Variants in CCDC150 observed in about 807,000 individuals in gnomAD.
CCDC150 encodes the protein coiled-coil domain containing 150.
Under a neutral mutation model 156.5 loss-of-function variants are expected in CCDC150, and 151 were observed. That is an observed-to-expected ratio of 0.97 (90% CI 0.85 to 1.10). The LOEUF is 1.10. Ranked by LOEUF, CCDC150 falls within the 50% of genes least tolerant of loss-of-function variation. The pLI is 0.00. For missense variants in CCDC150, 1,312 were observed against 1,268.1 expected (o/e 1.03, Z -0.53); for synonymous variants, 452 against 429.4 (o/e 1.05, Z -0.65).
rs367774318 is a variant in CCDC150 at position 196,639,796 on chromosome 2, C to T, written c.12+18C>T. The stretch of plus-strand genomic sequence containing the variant: ...ACTGTAAGGTGAGGCTGCCGGGCCC[C>T]GGGCTGGTGAGGGGTGGTCGGAGGC... On this transcript the variant is annotated intron_variant, in intron 1 of 27. Coordinates refer to ENST00000389175, the MANE Select transcript of CCDC150 (RefSeq NM_001080539.2). 4.1e-5 allele frequency: 64 copies of T among 1,574,108 alleles called. No homozygotes were observed. The South Asian group carries it at 6.6e-4, about 16-fold the overall frequency.
rs1233659567 is a variant in CCDC150, at chr2:196,665,605, AT to A, written c.685del (p.Ser229LeufsTer2). On this transcript the variant is annotated frameshift_variant, in exon 6 of 28. Coordinates refer to ENST00000389175, the MANE Select transcript of CCDC150 (RefSeq NM_001080539.2). LOFTEE classifies it high-confidence loss of function. Reference protein sequence around the residue: ...QLAQEKYLRESLEKSASAMLL... With the variant: ...QLAQEKYLREXLEKSASAMLL... ...TGGCTCAGGAGAAGTACCTTAGGGA[AT>A]CTTTAGAGAAATCAGCATCAGCCAT... is the stretch of plus-strand genomic sequence containing the variant. 6.2e-7 allele frequency: 1 copy of A among 1,605,956 alleles called. No homozygotes were observed. The highest frequency in any genetic ancestry group is 1.1e-5 in the South Asian group (1 of 88,618).
intron 1 of CCDC150, among the ~76,000 whole-genome samples, chr2:196,642,373 TA>T (rs796936607): frequency 6.6e-6 from 1 of 152,282 alleles, no homozygotes; most frequent in African/African-American, 2.4e-5. Context: ...TTTATGTATG[TA>T]GGGGTGTGGG....
intron 14 of CCDC150, among the ~76,000 whole-genome samples, chr2:196,697,020 T>C (rs181991908): frequency 3.0e-4 from 46 of 152,350 alleles, no homozygotes; most frequent in African/African-American, 1.0e-3. Context: ...TCCCACAGTA[T>C]ACTCTGCACA....
chr2:196,690,469 T>C lies in CCDC150; in HGVS notation c.1510-4577T>C, dbSNP rs530109058. On this transcript the variant is annotated intron_variant, in intron 13 of 27. Transcript: ENST00000389175. ...GTAAATTCATATATGTAATTTAAAATAGGTAAATTCATATAAATACATATA... is the reference window on the plus strand; with the variant it reads ...GTAAATTCATATATGTAATTTAAAACAGGTAAATTCATATAAATACATATA... 1.1e-3 allele frequency among the ~76,000 whole-genome samples: 175 copies of C among 152,320 alleles called. 1 individual carries two copies. Among genetic ancestry groups the C allele is most frequent in the Non-Finnish European group, 2.0e-3 (137 of 68,014 alleles).
rs1347985102 is a variant in CCDC150, at chr2:196,645,088, C to T, written c.13-1253C>T. Among the ~76,000 whole-genome samples, 4 of 152,136 alleles carry T rather than the reference C, an allele frequency of 2.6e-5. No individual in the cohort carries two copies. The East Asian group carries it at 7.7e-4, about 29-fold the overall frequency. ...GCAGTGAGCCAAGATCGCTCCATTTCAGTCCAGCTTAGGTGACAGAGCAAG... is the reference window on the plus strand; with the variant it reads ...GCAGTGAGCCAAGATCGCTCCATTTTAGTCCAGCTTAGGTGACAGAGCAAG... On this transcript the variant is annotated intron_variant, in intron 1 of 27. Coordinates refer to ENST00000389175, the MANE Select transcript of CCDC150 (RefSeq NM_001080539.2).
intron 1 of CCDC150, among the ~76,000 whole-genome samples, chr2:196,642,096 G>T (rs565730732): frequency 6.6e-6 from 1 of 152,300 alleles, no homozygotes; most frequent in Non-Finnish European, 1.5e-5. Flanking sequence ...AGTTATGAAT[G>T]AACTTTTTTA....
At chr2:196,709,465 G>A (rs965016337) in intron 15 of CCDC150, among the ~76,000 whole-genome samples, 2 of 152,004 alleles carry the variant, frequency 1.3e-5, no homozygotes, top group South Asian at 2.1e-4. Context: ...CCTTTGGCTC[G>A]GAGAAATTTG....
chr2:196,730,081 A>G lies in CCDC150; in HGVS notation c.2945A>G (p.Glu982Gly). 1 of 1,611,800 alleles carries G rather than the reference A, an allele frequency of 6.2e-7. No individual in the cohort carries two copies. The highest frequency in any genetic ancestry group is 8.5e-7 in the Non-Finnish European group (1 of 1,179,142). The change falls in exon 25 of 28, where the codon GAG becomes GGG. Residue 982 changes from glutamate (E) to glycine (G), a missense_variant. Physicochemically the swap from Glu to Gly is moderately conservative, Grantham distance 98 (BLOSUM62 -2). Transcript: ENST00000389175. Reference protein sequence around the residue: ...NKQQELHLEAERKIRQELENR... With the variant: ...NKQQELHLEAGRKIRQELENR... ...CAGCAAGAGCTGCACCTAGAAGCAG[A>G]GCGGAAAATAAGGCAGGAGCTAGAG...
chr2:196,708,213 A>C (rs1696821941), intron 15 of CCDC150, among the ~76,000 whole-genome samples: 1 of 152,174 alleles, frequency 6.6e-6, no homozygotes, highest in East Asian at 1.9e-4. Flanking sequence ...ATATATATTT[A>C]GGATAGTTAC....
intron 13 of CCDC150, among the ~76,000 whole-genome samples, chr2:196,691,281 G>A (rs1008762008): frequency 2.0e-5 from 3 of 152,192 alleles, no homozygotes; most frequent in Non-Finnish European, 2.9e-5. Flanking sequence ...CAGTAGAAAT[G>A]GTACCAGCTC....
rs151326147 is a variant in CCDC150, at chr2:196,669,634, T to G, written c.893-199T>G. Among the ~76,000 whole-genome samples the G allele has an allele frequency of 5.0e-3, 766 of 152,280 alleles. 4 individuals carry two copies. The highest frequency in any genetic ancestry group is 0.024 in the Middle Eastern group (7 of 294). ...CTCAGCTTAAAATCCTTCAGAGACC[T>G]CATTTACCATTGCAAATGACTGTGG... On this transcript the variant is annotated intron_variant, in intron 7 of 27. Coordinates refer to ENST00000389175, the MANE Select transcript of CCDC150 (RefSeq NM_001080539.2).
intron 26 of CCDC150, 58 bp from the exon 27 acceptor site, chr2:196,731,975 A>C (rs1698543006): frequency 6.4e-7 from 1 of 1,556,134 alleles, no homozygotes; most frequent in Non-Finnish European, 8.7e-7. Flanking sequence ...CAACTAATAC[A>C]CAAAAAAACT....
At chr2:196,676,372 G>A in intron 11 of CCDC150, 105 bp downstream of exon 11, 1 of 1,451,842 alleles carries the variant, frequency 6.9e-7, no homozygotes. Flanking sequence ...ATTTGATTCT[G>A]CATTTTTTGG....
chr2:196,688,746 T>A (rs1230030755), intron 13 of CCDC150, among the ~76,000 whole-genome samples: 1 of 152,014 alleles, frequency 6.6e-6, no homozygotes, highest in East Asian at 1.9e-4. Flanking sequence ...CTCTTTAGTT[T>A]AATTAGATCC....
At chr2:196,678,739 C>T (rs1694649922) in intron 13 of CCDC150, among the ~76,000 whole-genome samples, 1 of 152,008 alleles carries the variant, frequency 6.6e-6, no homozygotes, top group Non-Finnish European at 1.5e-5. Context: ...CCTGTCTCTA[C>T]TAAAAATACA....
At position 196,732,061 on chromosome 2, in the gene CCDC150, G is replaced by T; in HGVS notation, c.3098G>T (p.Arg1033Leu). ...QITANLEEAHRWFKHRFDGLQ... is the reference protein window; with the variant it reads ...QITANLEEAHLWFKHRFDGLQ... ...ACAGCTAATCTGGAAGAAGCTCATCGCTGGTTTAAGCACAGGTTTGATGGT... is the reference window on the plus strand; with the variant it reads ...ACAGCTAATCTGGAAGAAGCTCATCTCTGGTTTAAGCACAGGTTTGATGGT... The change falls in exon 27 of 28, where the codon CGC (arginine) becomes CTC (leucine). Residue 1033 changes from arginine (R) to leucine (L), a missense_variant. Coordinates refer to ENST00000389175, the MANE Select transcript of CCDC150 (RefSeq NM_001080539.2). 1 of 1,613,694 alleles carries T rather than the reference G, an allele frequency of 6.2e-7. No individual in the cohort carries two copies. Among genetic ancestry groups the T allele is most frequent in the Non-Finnish European group, 8.5e-7 (1 of 1,179,718 alleles).
In CCDC150 at chr2:196,674,316, A is replaced by G. The variant is rs763067989; in HGVS notation, c.1105A>G (p.Arg369Gly). ...TCAGACTGTTACTATGGAAAAAGCCAGAATCATTGCTGACCATCAGGCCAT... is the reference window on the plus strand; with the variant it reads ...TCAGACTGTTACTATGGAAAAAGCCGGAATCATTGCTGACCATCAGGCCAT... ...MLQTVTMEKA[R>G]IIADHQAILQ... The change falls in exon 10 of 28, where the codon AGA becomes GGA. Residue 369 changes from arginine to glycine, a missense_variant. By Grantham distance (125) the Arg-to-Gly change is moderately radical. Coordinates refer to ENST00000389175, the MANE Select transcript of CCDC150 (RefSeq NM_001080539.2). The G allele has an allele frequency of 8.1e-6, 13 of 1,603,324 alleles. No individual in the cohort carries two copies. The highest frequency in any genetic ancestry group is 2.3e-5 in the South Asian group (2 of 88,762).
intron 1 of CCDC150, 69 bp downstream of exon 1, chr2:196,639,847 A>T: frequency 2.2e-6 from 3 of 1,373,300 alleles, no homozygotes. Context: ...TCAGATAAGG[A>T]CAGTCACCAC....
intron 12 of CCDC150, 33 bp from the exon 13 acceptor site, chr2:196,677,260 C>T: frequency 7.0e-7 from 1 of 1,436,176 alleles, no homozygotes; most frequent in Non-Finnish European, 9.6e-7. Context: ...TAAAATTGAC[C>T]TATTCCTTTT....
Sources: allele counts gnomAD v4.1 joint callset (sites outside exome capture counted in the v4.1 genomes callset), GRCh38; gene constraint gnomAD v4.1.1; transcripts MANE v1.5; gene names NCBI Gene and HGNC (gene_info 2026-07-23, HGNC 2026-07-21).